NOLC1: variants seen among roughly 807,000 people sequenced by gnomAD.
The protein encoded by NOLC1 is 140 kDa nucleolar phosphoprotein.
In NOLC1, 37 loss-of-function variants were observed where a neutral mutation model predicts 73.4. The ratio of observed to expected loss-of-function variants is 0.50; its 90% CI spans 0.39 to 0.66. NOLC1 has a LOEUF of 0.66. NOLC1 is among the 30% of genes least tolerant of loss of function. NOLC1 has a pLI of 0.00. For missense variants in NOLC1, 921 were observed against 838.9 expected (o/e 1.10, Z -1.21); for synonymous variants, 327 against 302.6 (o/e 1.08, Z -0.84).
At position 102,161,089 on chromosome 10, in the gene NOLC1, A is replaced by G; in HGVS notation, c.1737A>G (p.Lys579=). ...EKKKAAVVVS[K]SGSLKKRKQN... Reference sequence around the variant, plus strand: ...AAAAGGCGGCAGTGGTAGTTTCCAAATCAGGTCTGTACCCAATGAACATGC... The same window carrying G: ...AAAAGGCGGCAGTGGTAGTTTCCAAGTCAGGTCTGTACCCAATGAACATGC... The change falls in exon 10 of 13, where the codon AAA becomes AAG. Residue 579 remains lysine (K), a synonymous_variant. Coordinates refer to ENST00000605788, the MANE Select transcript of NOLC1 (RefSeq NM_004741.5). 6.2e-7 allele frequency: 1 copy of G among 1,605,540 alleles called. No individual in the cohort carries two copies.
At chr10:102,159,094 A>AT in intron 5 of NOLC1, 99 bp from the exon 6 acceptor site, 1 of 724,782 alleles carries the variant, frequency 1.4e-6, no homozygotes, top group East Asian at 3.0e-5. Flanking sequence ...AAAAAAAAAA[A>AT]TGGTGGACTC....
intron 3 of NOLC1, 27 bp from the exon 4 acceptor site, chr10:102,157,404 C>G (rs755138977): frequency 1.2e-6 from 2 of 1,613,688 alleles, no homozygotes; most frequent in African/African-American, 2.7e-5. Context: ...ATGGCTGATT[C>G]TTACTGGGAC....
chr10:102,159,889 T>C lies in NOLC1; in HGVS notation c.860-7T>C. 4 of 1,548,236 alleles carry C rather than the reference T, an allele frequency of 2.6e-6. No homozygotes were observed. Among genetic ancestry groups the C allele is most frequent in the Non-Finnish European group, 3.5e-6 (4 of 1,150,066 alleles). Reference sequence around the variant, plus strand: ...CCTAAAACCATCACACTATCCTTTTTAAACAGGTCCCTACAGTTCAGTCCC... The same window carrying C: ...CCTAAAACCATCACACTATCCTTTTCAAACAGGTCCCTACAGTTCAGTCCC... On this transcript the variant is annotated splice_polypyrimidine_tract_variant and splice_region_variant and intron_variant, in intron 7 of 12. Coordinates refer to ENST00000605788, the MANE Select transcript of NOLC1 (RefSeq NM_004741.5).
At position 102,158,030 on chromosome 10, in the gene NOLC1, C is replaced by G; in HGVS notation, c.442-19C>G. On this transcript the variant is annotated intron_variant, in intron 4 of 12. Coordinates refer to ENST00000605788, the MANE Select transcript of NOLC1 (RefSeq NM_004741.5). Reference sequence around the variant, plus strand: ...CCGGAAGCTTTTGCTGATTTCTCTCCTTGTGTCTTTTCTAACAGAAGGGAG... The same window carrying G: ...CCGGAAGCTTTTGCTGATTTCTCTCGTTGTGTCTTTTCTAACAGAAGGGAG... 1 of 1,609,776 alleles carries G rather than the reference C, an allele frequency of 6.2e-7. No individual in the cohort carries two copies. The highest frequency in any genetic ancestry group is 8.5e-7 in the Non-Finnish European group (1 of 1,178,374).
chr10:102,154,629 C>T (rs1036478927), intron 1 of NOLC1, among the ~76,000 whole-genome samples: 1 of 151,418 alleles, frequency 6.6e-6, no homozygotes, highest in Non-Finnish European at 1.5e-5. Context: ...GATTCTTGTG[C>T]CTCAGCCTCA....
rs959321736 is a variant in NOLC1 at position 102,163,254 on chromosome 10, A to C, written c.*985A>C. ...TCACTGATCAAGAAAGTGGGGGGAA[A>C]AAAAACAAACGTTAAAACCTCAATC... On this transcript the variant is annotated 3_prime_UTR_variant, in exon 13 of 13. Transcript: ENST00000605788. 1 of 151,820 alleles carries C rather than the reference A, an allele frequency of 6.6e-6. No homozygotes were observed. The highest frequency in any genetic ancestry group is 2.4e-5 in the African/African-American group (1 of 41,448). 9.4% of individuals were successfully genotyped at this position (151,820 alleles called of 1,614,324 possible).
rs1279985559 is a variant in NOLC1, at chr10:102,159,495, G to T, written c.786G>T (p.Arg262=). 4.3e-6 allele frequency: 7 copies of T among 1,614,182 alleles called. No individual in the cohort carries two copies. The East Asian group carries it at 1.3e-4, about 31-fold the overall frequency. ...TGAAAGCAGCTACCACCCCTACCCG[G>T]AAGAGTTCTAGCAGTGAGGATTCCT... ...APVKAATTPT[R]KSSSSEDSSS... is the part of the protein sequence containing the mutation. Residue 262 remains arginine, a synonymous_variant, in exon 7 of 13, where the codon CGG becomes CGT. Transcript: ENST00000605788.
At chr10:102,159,601 T>G (rs775164362) in intron 7 of NOLC1, 33 bp downstream of exon 7, 15 of 1,605,410 alleles carry the variant, frequency 9.3e-6, no homozygotes, top group Non-Finnish European at 1.2e-5. Context: ...GCTGTGTGAC[T>G]GTGGTCAGGG....
rs775321674 is a variant in NOLC1 at position 102,158,139 on chromosome 10, G to C, written c.532G>C (p.Glu178Gln). ...TGATTCTGACTCAAGCTCCGAGGATGAGCCACCAAAGAACCAGAAGCCAAA... is the reference window on the plus strand; with the variant it reads ...TGATTCTGACTCAAGCTCCGAGGATCAGCCACCAAAGAACCAGAAGCCAAA... ...DSDSDSSSEDEPPKNQKPKIT... is the reference protein window; with the variant it reads ...DSDSDSSSEDQPPKNQKPKIT... Residue 178 changes from glutamate (E) to glutamine (Q), a missense_variant, in exon 5 of 13, where the codon GAG becomes CAG. Glu to Gln is a conservative substitution (Grantham distance 29). Transcript: ENST00000605788. 7 of 1,614,146 alleles carry C rather than the reference G, an allele frequency of 4.3e-6. No individual in the cohort carries two copies. The highest frequency in any genetic ancestry group is 5.9e-6 in the Non-Finnish European group (7 of 1,179,998).
At position 102,160,469 on chromosome 10, in the gene NOLC1, G is replaced by A. The variant is rs1340514613; in HGVS notation, c.1117G>A (p.Asp373Asn). Residue 373 changes from aspartate to asparagine, a missense_variant, in exon 10 of 13, where the codon GAT becomes AAT. Transcript: ENST00000605788. The part of the protein sequence containing the change: ...SDSSDSDSSE[D>N]DEAPSKPAGT... The stretch of plus-strand genomic sequence containing the variant: ...GTGTCTAGACTCTGACAGCTCTGAG[G>A]ATGATGAAGCTCCTTCTAAGCCAGC... The A allele has an allele frequency of 3.1e-6, 5 of 1,613,830 alleles. 1 individual carries two copies. The South Asian group carries it at 5.5e-5, about 18-fold the overall frequency.
chr10:102,157,915 C>A, intron 4 of NOLC1, 134 bp from the exon 5 acceptor site: 2 of 798,322 alleles, frequency 2.5e-6, no homozygotes, highest in East Asian at 2.7e-5. Context: ...GTTTTTTGCC[C>A]TTTCCGTATC....
intron 10 of NOLC1, 54 bp downstream of exon 10, chr10:102,161,147 G>C: frequency 6.6e-7 from 1 of 1,521,462 alleles, no homozygotes; most frequent in South Asian, 1.3e-5. Flanking sequence ...ATCAGGATGG[G>C]ATATACTCTT....
At position 102,162,238 on chromosome 10, in the gene NOLC1, A is replaced by G. The variant is rs770042578; in HGVS notation, c.2069A>G (p.Gln690Arg). The change falls in exon 13 of 13, where the codon CAG (glutamine) becomes CGG (arginine). Residue 690 changes from glutamine to arginine, a missense_variant. By Grantham distance (43) the Gln-to-Arg change is conservative. Transcript: ENST00000605788. ...GSYRGGSISV[Q>R]VNSIKFDSE ...TACCGGGGAGGCTCAATCTCTGTCC[A>G]GGTCAATTCTATTAAGTTTGACAGC... is the stretch of plus-strand genomic sequence containing the variant. The G allele has an allele frequency of 2.5e-6, 4 of 1,613,988 alleles. No individual in the cohort carries two copies. Among genetic ancestry groups the G allele is most frequent in the East Asian group, 2.2e-5 (1 of 44,884 alleles).
At position 102,163,139 on chromosome 10, in the gene NOLC1, G is replaced by T. The variant is rs7897; in HGVS notation, c.*870G>T. ...TACAGTATAGAGAACAAAATGACAT[G>T]AGTTTGAAAAATACATATCACTTGG... On this transcript the variant is annotated 3_prime_UTR_variant, in exon 13 of 13. Coordinates refer to ENST00000605788, the MANE Select transcript of NOLC1 (RefSeq NM_004741.5). 67,303 of 151,936 alleles carry T rather than the reference G, an allele frequency of 0.44. 15,139 individuals carry two copies. The highest frequency in any genetic ancestry group is 0.64 in the East Asian group (3,284 of 5,166). 9.4% of individuals were successfully genotyped at this position (151,936 alleles called of 1,614,324 possible).
chr10:102,161,723 A>G, intron 11 of NOLC1, 61 bp downstream of exon 11: 1 of 1,550,316 alleles, frequency 6.5e-7, no homozygotes, highest in South Asian at 1.1e-5. Context: ...ATCTAGGATC[A>G]TCTTGACAGC....
intron 1 of NOLC1, among the ~76,000 whole-genome samples, chr10:102,154,692 C>T (rs1196106075): frequency 2.6e-5 from 4 of 151,988 alleles, no homozygotes; most frequent in Non-Finnish European, 4.4e-5. Flanking sequence ...CCACGCCCAG[C>T]TTATGTTTGT....
Position 102,157,526 on chromosome 10 carries a change from G to A in NOLC1, c.412G>A (p.Glu138Lys). The A allele has an allele frequency of 6.2e-7, 1 of 1,614,152 alleles. No individual in the cohort carries two copies. Among genetic ancestry groups the A allele is most frequent in the Non-Finnish European group, 8.5e-7 (1 of 1,180,024 alleles). ...TGAAGAGTCCAGTGATGATGATGAT[G>A]AGGAGGACCAAAAGAAACAGCCTGT... ...SSEESSDDDD[E>K]EDQKKQPVQK... Residue 138 changes from glutamate (E) to lysine (K), a missense_variant, in exon 4 of 13, where the codon GAG (glutamate) becomes AAG (lysine). By Grantham distance (56) the Glu-to-Lys change is moderately conservative (BLOSUM62 1). Coordinates refer to ENST00000605788, the MANE Select transcript of NOLC1 (RefSeq NM_004741.5).
chr10:102,156,958 A>G (rs1473401917), intron 1 of NOLC1, 61 bp from the exon 2 acceptor site: 2 of 1,523,322 alleles, frequency 1.3e-6, no homozygotes, highest in Non-Finnish European at 1.8e-6. Flanking sequence ...AACAGGCCAC[A>G]TTTAATGAAA....
chr10:102,159,474 A>G lies in NOLC1; in HGVS notation c.765A>G (p.Lys255=), dbSNP rs775790238. The G allele has an allele frequency of 1.4e-5, 23 of 1,614,056 alleles. No individual in the cohort carries two copies. The highest frequency in any genetic ancestry group is 1.9e-5 in the Non-Finnish European group (22 of 1,180,040). The change falls in exon 7 of 13, where the codon AAA becomes AAG. Residue 255 remains lysine, a synonymous_variant. Transcript: ENST00000605788. ...KKQVVAKAPV[K]AATTPTRKSS... Reference sequence around the variant, plus strand: ...AAGTTGTGGCCAAGGCCCCAGTGAAAGCAGCTACCACCCCTACCCGGAAGA... The same window carrying G: ...AAGTTGTGGCCAAGGCCCCAGTGAAGGCAGCTACCACCCCTACCCGGAAGA...
Sources: allele counts gnomAD v4.1 joint callset (sites outside exome capture counted in the v4.1 genomes callset), GRCh38; gene constraint gnomAD v4.1.1; transcripts MANE v1.5; gene names NCBI Gene and HGNC (gene_info 2026-07-23, HGNC 2026-07-21).